FAM227B: variants seen among roughly 807,000 people sequenced by gnomAD.
FAM227B encodes the protein protein FAM227B.
In FAM227B, 88 loss-of-function variants were observed where a neutral mutation model predicts 73.8. The ratio of observed to expected loss-of-function variants is 1.19; its 90% CI spans 1.00 to 1.42. The LOEUF is 1.42. Ranked by LOEUF, FAM227B falls within the 40% of genes most tolerant of loss-of-function variation. The probability of loss-of-function intolerance (pLI) is 0.00; values close to 1 mark genes in which losing one functional copy is unlikely to be tolerated. For synonymous variants in FAM227B, 210 were observed against 190.5 expected, an observed-to-expected ratio of 1.10 and a Z score of -0.84; for missense variants, 632 against 590.9, an observed-to-expected ratio of 1.07 and a Z score of -0.72.
At chr15:49,546,630 A>G (rs1256100655) in intron 9 of FAM227B, among the ~76,000 whole-genome samples, 1 of 152,276 alleles carries the variant, frequency 6.6e-6, no homozygotes, top group Non-Finnish European at 1.5e-5. Context: ...GTTGTTTCCT[A>G]ACTTTTTAAT....
intron 11 of FAM227B, among the ~76,000 whole-genome samples, chr15:49,390,125 G>T (rs376026311): frequency 1.2e-4 from 18 of 152,098 alleles, no homozygotes; most frequent in African/African-American, 4.3e-4. Flanking sequence ...ATGAAATGAA[G>T]AAATTTGAGC....
At chr15:49,484,791 CTTAAA>C (rs1269364304) in intron 11 of FAM227B, 1 of 242,558 alleles carries the variant, frequency 4.1e-6, no homozygotes, top group African/African-American at 2.2e-5. Flanking sequence ...TAATTTTTTT[CTTAAA>C]TTAATTTACC....
intron 11 of FAM227B, among the ~76,000 whole-genome samples, chr15:49,401,014 C>T (rs1394286091): frequency 6.6e-6 from 1 of 152,162 alleles, no homozygotes; most frequent in African/African-American, 2.4e-5. Flanking sequence ...TCTAATTAAA[C>T]TAAAGAGCTT....
At chr15:49,422,468 A>G in intron 11 of FAM227B, 1 of 1,201,544 alleles carries the variant, frequency 8.3e-7, no homozygotes, top group Non-Finnish European at 1.1e-6. Context: ...ACTGATAATC[A>G]ATGTGAAACC....
chr15:49,338,453 T>C (rs958701907), intron 13 of FAM227B, among the ~76,000 whole-genome samples: 11 of 152,204 alleles, frequency 7.2e-5, no homozygotes, highest in African/African-American at 2.4e-4. Context: ...GAATATTGGC[T>C]CCCAATCTCT....
intron 10 of FAM227B, among the ~76,000 whole-genome samples, chr15:49,540,148 T>G (rs1317109395): frequency 6.6e-6 from 1 of 152,186 alleles, no homozygotes; most frequent in Non-Finnish European, 1.5e-5. Flanking sequence ...AGCAGTGTCC[T>G]GTGTCCTGAA....
At chr15:49,594,737 A>G (rs1056566116) in intron 3 of FAM227B, among the ~76,000 whole-genome samples, 7 of 152,010 alleles carry the variant, frequency 4.6e-5, no homozygotes, top group Admixed American at 3.3e-4. Context: ...TTGGCTGTCA[A>G]TATTTGACTT....
At chr15:49,540,766 T>C (rs2070952190) in intron 10 of FAM227B, among the ~76,000 whole-genome samples, 1 of 152,234 alleles carries the variant, frequency 6.6e-6, no homozygotes, top group Non-Finnish European at 1.5e-5. Flanking sequence ...AAAATTCTTC[T>C]GCCCTTCATC....
At chr15:49,396,185 A>G (rs1328939713) in intron 11 of FAM227B, 3 of 352,096 alleles carry the variant, frequency 8.5e-6, no homozygotes, top group Non-Finnish European at 1.7e-5. Context: ...CTCACTTGGG[A>G]AGCGCAAGGG....
chr15:49,415,015 A>G (rs1303933123), intron 11 of FAM227B, among the ~76,000 whole-genome samples: 1 of 152,156 alleles, frequency 6.6e-6, no homozygotes, highest in Non-Finnish European at 1.5e-5. Flanking sequence ...CTCTATAATT[A>G]AGGTGGTGGA....
intron 11 of FAM227B, among the ~76,000 whole-genome samples, chr15:49,377,948 G>A (rs2046277886): frequency 6.6e-6 from 1 of 152,062 alleles, no homozygotes; most frequent in Non-Finnish European, 1.5e-5. Flanking sequence ...CCAATGTCCT[G>A]GAGAGTTTCC....
At chr15:49,428,107 T>C (rs2050282176) in intron 11 of FAM227B, among the ~76,000 whole-genome samples, 1 of 151,834 alleles carries the variant, frequency 6.6e-6, no homozygotes, top group Non-Finnish European at 1.5e-5. Context: ...ATGGGGGAAT[T>C]CATGAGAGGC....
chr15:49,521,529 C>T (rs12185129), intron 10 of FAM227B, among the ~76,000 whole-genome samples: 48,138 of 152,074 alleles, frequency 0.32, 8,208 homozygotes, highest in African/African-American at 0.42. Context: ...AACTTGGAGA[C>T]AGCCTTTCCT....
At chr15:49,443,526 A>T (rs1366326686) in intron 11 of FAM227B, among the ~76,000 whole-genome samples, 5 of 151,258 alleles carry the variant, frequency 3.3e-5, no homozygotes, top group African/African-American at 1.2e-4. Flanking sequence ...AATAATGTAG[A>T]TTAAACTTAA....
chr15:49,333,187 A>G (rs2039104820), intron 14 of FAM227B, among the ~76,000 whole-genome samples: 1 of 152,202 alleles, frequency 6.6e-6, no homozygotes, highest in African/African-American at 2.4e-5. Context: ...ATACCATAAA[A>G]TTGACCCATT....
At chr15:49,533,407 C>T (rs2060767335) in intron 10 of FAM227B, among the ~76,000 whole-genome samples, 1 of 151,580 alleles carries the variant, frequency 6.6e-6, no homozygotes, top group Non-Finnish European at 1.5e-5. Context: ...TCAGTGTTGT[C>T]AAGTCCTTTG....
intron 3 of FAM227B, among the ~76,000 whole-genome samples, chr15:49,610,031 T>A (rs1265038566): frequency 6.6e-6 from 1 of 151,946 alleles, no homozygotes; most frequent in Non-Finnish European, 1.5e-5. Flanking sequence ...TTGATTTTTA[T>A]CCTGTATTTA....
At chr15:49,464,389 T>G (rs2054079151) in intron 11 of FAM227B, among the ~76,000 whole-genome samples, 1 of 152,212 alleles carries the variant, frequency 6.6e-6, no homozygotes, top group Non-Finnish European at 1.5e-5. Flanking sequence ...TCCTCTAAAA[T>G]GATCCAACTT....
chr15:49,611,242 A>C lies in FAM227B; in HGVS notation c.78T>G (p.Ile26Met). The C allele has an allele frequency of 6.3e-7, 1 of 1,593,956 alleles. No individual in the cohort carries two copies. Among genetic ancestry groups the C allele is most frequent in the Non-Finnish European group, 8.6e-7 (1 of 1,164,702 alleles). The change falls in exon 3 of 16, where the codon ATT becomes ATG. Residue 26 changes from isoleucine to methionine, a missense_variant. Coordinates refer to ENST00000299338, the MANE Select transcript of FAM227B (RefSeq NM_152647.3). Reference sequence around the variant, plus strand: ...AATTTTGAAACTTTAAGAATTCTTCAATGCTCTTTGGAGGTTCTTGCATTT... The same window carrying C: ...AATTTTGAAACTTTAAGAATTCTTCCATGCTCTTTGGAGGTTCTTGCATTT... Reference protein sequence around the residue: ...PGKMQEPPKSIEEFLKFQNWD... With the variant: ...PGKMQEPPKSMEEFLKFQNWD...
Sources: allele counts gnomAD v4.1 joint callset (sites outside exome capture counted in the v4.1 genomes callset), GRCh38; gene constraint gnomAD v4.1.1; transcripts MANE v1.5; gene names NCBI Gene and HGNC (gene_info 2026-07-23, HGNC 2026-07-21).